The following UST variants were observed in gnomAD, a reference collection of about 807,000 sequenced individuals.
UST encodes the protein uronyl 2-sulfotransferase.
In UST, 21 loss-of-function variants were observed where a neutral mutation model predicts 45.6. That is an observed-to-expected ratio of 0.46 (90% CI 0.33 to 0.66). The LOEUF (loss-of-function observed/expected upper bound fraction) is 0.66. Among genes scored for constraint, UST ranks in the 30% least tolerant of loss-of-function variants. UST has a pLI of 0.02. For missense variants in UST, 463 were observed against 512.4 expected, an observed-to-expected ratio of 0.90 and a Z score of 0.93; for synonymous variants, 215 against 200.6, an observed-to-expected ratio of 1.07 and a Z score of -0.61.
At chr6:148,993,285 G>A (rs1257812012) in intron 5 of UST, among the ~76,000 whole-genome samples, 5 of 152,070 alleles carry the variant, frequency 3.3e-5, no homozygotes, top group Non-Finnish European at 7.4e-5. Flanking sequence ...CCTGGGCTGG[G>A]GGCCAGGAAG....
chr6:148,871,130 C>CTCTCTCTCTCTCTCTCTCTG (rs1778547005), intron 1 of UST, among the ~76,000 whole-genome samples: 2 of 149,002 alleles, frequency 1.3e-5, no homozygotes, highest in African/African-American at 5.0e-5. Flanking sequence ...CTCTCTCTCT[C>CTCTCTCTCTCTCTCTCTCTG]TCTCTCTCTC....
chr6:148,796,577 T>C (rs1776951805), intron 1 of UST, among the ~76,000 whole-genome samples: 1 of 140,240 alleles, frequency 7.1e-6, no homozygotes, highest in Non-Finnish European at 1.5e-5. Context: ...TGAGCCGAGA[T>C]TGTGCCATTG....
intron 1 of UST, among the ~76,000 whole-genome samples, chr6:148,841,119 A>G (rs116468512): frequency 3.2e-4 from 49 of 152,168 alleles, no homozygotes; most frequent in African/African-American, 1.1e-3. Context: ...TAGATTAAAA[A>G]AAAAGACTAG....
chr6:148,997,610 C>T (rs2486399), intron 5 of UST, among the ~76,000 whole-genome samples: 43,740 of 151,962 alleles, frequency 0.29, 6,420 homozygotes, highest in African/African-American at 0.36. Context: ...ACATAAACCC[C>T]AGTTCATATC....
At chr6:148,758,399 T>G (rs1776137448) in intron 1 of UST, among the ~76,000 whole-genome samples, 1 of 152,242 alleles carries the variant, frequency 6.6e-6, no homozygotes, top group Admixed American at 6.5e-5. Flanking sequence ...CTACTTTTTT[T>G]GTTCCTGCAT....
intron 5 of UST, among the ~76,000 whole-genome samples, chr6:149,003,363 G>A (rs1177161168): frequency 6.6e-6 from 1 of 151,302 alleles, no homozygotes; most frequent in East Asian, 1.9e-4. Context: ...TATAATTTAT[G>A]ATTATGTAAA....
chr6:148,873,639 A>G (rs1377186792), intron 1 of UST, among the ~76,000 whole-genome samples: 1 of 152,216 alleles, frequency 6.6e-6, no homozygotes, highest in Non-Finnish European at 1.5e-5. Context: ...ACAGGGCTTC[A>G]GAGTCAGGCT....
intron 2 of UST, among the ~76,000 whole-genome samples, chr6:148,933,013 T>G (rs968830740): frequency 2.0e-5 from 3 of 152,316 alleles, no homozygotes; most frequent in African/African-American, 7.2e-5. Flanking sequence ...TTGTTCAGGA[T>G]CATTTGCTCA....
intron 7 of UST, among the ~76,000 whole-genome samples, chr6:149,042,855 C>G (rs1334464974): frequency 6.6e-6 from 1 of 151,788 alleles, no homozygotes; most frequent in Non-Finnish European, 1.5e-5. Context: ...CCTGGACTCA[C>G]GTGCTCCTCT....
chr6:148,774,381 A>C (rs1257447215), intron 1 of UST, among the ~76,000 whole-genome samples: 1 of 151,766 alleles, frequency 6.6e-6, no homozygotes, highest in Non-Finnish European at 1.5e-5. Context: ...ATCAAATTCC[A>C]CTTTTGATTT....
intron 1 of UST, among the ~76,000 whole-genome samples, chr6:148,760,737 AAAAAAAAAC>A (rs1420002622): frequency 1.3e-5 from 2 of 150,968 alleles, no homozygotes; most frequent in Admixed American, 6.6e-5. Context: ...AAAACAAAAC[AAAAAAAAAC>A]CACAAACATC....
At chr6:148,890,254 G>A (rs137901204) in intron 2 of UST, among the ~76,000 whole-genome samples, 52 of 152,294 alleles carry the variant, frequency 3.4e-4, no homozygotes, top group African/African-American at 1.2e-3. Context: ...AATCTCAGAA[G>A]TGATGAGGTC....
chr6:148,771,421 C>A (rs1202657058), intron 1 of UST, among the ~76,000 whole-genome samples: 1 of 152,184 alleles, frequency 6.6e-6, no homozygotes, highest in Non-Finnish European at 1.5e-5. Context: ...TGGATGACAT[C>A]CAGCCCCACC....
At chr6:148,773,983 C>G (rs2114677813) in intron 1 of UST, among the ~76,000 whole-genome samples, 1 of 152,324 alleles carries the variant, frequency 6.6e-6, no homozygotes, top group East Asian at 1.9e-4. Context: ...TATAAAGAAG[C>G]TTATCTGACT....
intron 1 of UST, among the ~76,000 whole-genome samples, chr6:148,831,068 G>GA (rs148107430): frequency 1.8e-5 from 2 of 111,376 alleles, no homozygotes; most frequent in African/African-American, 6.0e-5. Flanking sequence ...AGAAAGAAAA[G>GA]GGGGGGGTGG....
chr6:148,775,901 G>C (rs1776525160), intron 1 of UST, among the ~76,000 whole-genome samples: 1 of 152,008 alleles, frequency 6.6e-6, no homozygotes. Context: ...CAAAGTGCTG[G>C]GATTACGGGT....
chr6:148,915,642 C>T (rs542799236), intron 2 of UST, among the ~76,000 whole-genome samples: 2 of 152,294 alleles, frequency 1.3e-5, no homozygotes, highest in South Asian at 2.1e-4. Flanking sequence ...ACATCCATTA[C>T]ATGTAGTTTA....
At chr6:148,977,402 T>C (rs1393512396) in intron 5 of UST, among the ~76,000 whole-genome samples, 2 of 152,160 alleles carry the variant, frequency 1.3e-5, no homozygotes, top group Non-Finnish European at 2.9e-5. Flanking sequence ...CTCAGCTTTT[T>C]CCCCAATTGT....
chr6:149,047,483 G>A (rs907006105), intron 7 of UST, among the ~76,000 whole-genome samples: 1 of 152,138 alleles, frequency 6.6e-6, no homozygotes, highest in Non-Finnish European at 1.5e-5. Flanking sequence ...ATCATTTATG[G>A]AGCATTTCAA....
Sources: gnomAD v4.1 joint callset for allele counts (sites outside exome capture counted in the v4.1 genomes callset) on GRCh38, gnomAD v4.1.1 for gene constraint, MANE v1.5 for transcripts, NCBI Gene and HGNC (gene_info 2026-07-23, HGNC 2026-07-21) for gene names.